FREY1: variants seen among roughly 807,000 people sequenced by gnomAD.
The protein encoded by FREY1 is protein Frey 1.
At chr11:45,906,590 ATACTC>A in the FREY1 span, 2 of 1,569,200 alleles carry the variant, frequency 1.3e-6, no homozygotes, top group Non-Finnish European at 1.7e-6. Flanking sequence ...CATCATAGTA[ATACTC>A]GGCAAGGTCG....
At chr11:45,907,076 CAG>C in the FREY1 span, 1 of 1,528,520 alleles carries the variant, frequency 6.5e-7, no homozygotes. Flanking sequence ...AGCCCCACTC[CAG>C]AGAGGGGAGG....
chr11:45,906,985 A>G, the FREY1 span: 14 of 1,607,200 alleles, frequency 8.7e-6, no homozygotes, highest in Non-Finnish European at 1.2e-5. Context: ...CCAGAAGGCC[A>G]CCGCCACCTC....
At chr11:45,906,983 C>T in the FREY1 span, 4 of 1,606,964 alleles carry the variant, frequency 2.5e-6, no homozygotes, top group East Asian at 2.2e-5. Flanking sequence ...GCCCAGAAGG[C>T]CACCGCCACC....
the FREY1 span, chr11:45,906,669 T>A: frequency 6.3e-7 from 1 of 1,587,772 alleles, no homozygotes; most frequent in Non-Finnish European, 8.6e-7. Context: ...CGGCCTTGGG[T>A]GCTTGGGGAG....
chr11:45,907,035 C>G, the FREY1 span: 1 of 1,558,160 alleles, frequency 6.4e-7, no homozygotes, highest in Non-Finnish European at 8.8e-7. Context: ...GGGCACTTGG[C>G]AAGCCCTCGA....
the FREY1 span, chr11:45,907,052 A>T: frequency 6.6e-7 from 1 of 1,523,344 alleles, no homozygotes; most frequent in Non-Finnish European, 9.0e-7. Context: ...TCGAACGCCC[A>T]GGGTACCAGG....
At chr11:45,907,110 C>G in the FREY1 span, 4 of 1,545,620 alleles carry the variant, frequency 2.6e-6, no homozygotes, top group African/African-American at 5.5e-5. Context: ...CACCATCCGG[C>G]CCAAGTGCCC....
At chr11:45,906,573 AG>A in the FREY1 span, 5 of 1,545,928 alleles carry the variant, frequency 3.2e-6, no homozygotes, top group South Asian at 6.1e-5. Flanking sequence ...CTTGGGTCAT[AG>A]GTGTGCATCA....
the FREY1 span, chr11:45,907,219 C>A: frequency 2.6e-6 from 4 of 1,554,154 alleles, no homozygotes; most frequent in Non-Finnish European, 3.5e-6. Flanking sequence ...CCCGGGGGTG[C>A]AGAGCCCCCA....
At chr11:45,906,988 G>A in the FREY1 span, 12 of 1,603,480 alleles carry the variant, frequency 7.5e-6, no homozygotes, top group African/African-American at 1.3e-5. Flanking sequence ...GAAGGCCACC[G>A]CCACCTCCTT....
chr11:45,906,800 T>A, the FREY1 span: 2 of 1,608,318 alleles, frequency 1.2e-6, no homozygotes, highest in Non-Finnish European at 1.7e-6. Context: ...AAGGCTGGAC[T>A]TGGGGCACCT....
At chr11:45,907,075 CCA>C in the FREY1 span, 208 of 1,533,318 alleles carry the variant, frequency 1.4e-4, no homozygotes, top group Non-Finnish European at 1.7e-4. Flanking sequence ...CAGCCCCACT[CCA>C]GAGAGGGGAG....
At chr11:45,907,188 G>A in the FREY1 span, 380 of 1,557,302 alleles carry the variant, frequency 2.4e-4, no homozygotes, top group Middle Eastern at 1.7e-4. Flanking sequence ...AGGATGAGGT[G>A]GAGGAAGAGG....
At chr11:45,906,806 C>T in the FREY1 span, 240 of 1,609,008 alleles carry the variant, frequency 1.5e-4, 1 homozygote, top group Non-Finnish European at 1.9e-4. Flanking sequence ...GGACTTGGGG[C>T]ACCTCTTAGG....
the FREY1 span, chr11:45,907,171 C>A: frequency 6.4e-7 from 1 of 1,557,410 alleles, no homozygotes. Flanking sequence ...GAAGCAGTGC[C>A]ACTGCCAGGA....
chr11:45,906,747 A>G, the FREY1 span: 2 of 1,583,854 alleles, frequency 1.3e-6, no homozygotes, highest in Non-Finnish European at 1.7e-6. Flanking sequence ...GATGGAACTG[A>G]AGTCACCCTT....
the FREY1 span, chr11:45,906,854 C>A: frequency 8.7e-6 from 14 of 1,613,658 alleles, no homozygotes; most frequent in Non-Finnish European, 1.1e-5. Context: ...GGGAAGGGGA[C>A]AAGAGAGATA....
At chr11:45,906,900 T>A in the FREY1 span, 1 of 1,613,352 alleles carries the variant, frequency 6.2e-7, no homozygotes, top group South Asian at 1.1e-5. Context: ...GCTGCGAGAG[T>A]TCCAGGGGGG....
chr11:45,906,972 G>A, the FREY1 span: 1 of 1,611,992 alleles, frequency 6.2e-7, no homozygotes, highest in Non-Finnish European at 8.5e-7. Flanking sequence ...GCTCAGCCCT[G>A]GCCCAGAAGG....
Sources: gnomAD v4.1 joint callset for allele counts on GRCh38, gnomAD v4.1.1 for gene constraint, MANE v1.5 for transcripts, NCBI Gene and HGNC (gene_info 2026-07-23, HGNC 2026-07-21) for gene names.